The following DDC variants were observed in gnomAD, a reference collection of about 807,000 sequenced individuals.
DDC encodes the protein dopa decarboxylase.
In DDC, 43 loss-of-function variants were observed where a neutral mutation model predicts 60.0. The observed-to-expected ratio is 0.72, with a 90% CI of 0.56 to 0.92. The LOEUF is 0.92. DDC is among the 40% of genes least tolerant of loss of function. DDC has a pLI of 0.00. For synonymous variants in DDC, 232 were observed against 234.6 expected (o/e 0.99, Z 0.10); for missense variants, 573 against 620.2 (o/e 0.92, Z 0.81).
chr7:50,540,779 G>A (rs1162029165), intron 2 of DDC, among the ~76,000 whole-genome samples: 1 of 152,212 alleles, frequency 6.6e-6, no homozygotes, highest in Non-Finnish European at 1.5e-5. Flanking sequence ...GTGGGCCAGG[G>A]AGGAGATCCA....
rs769613018 is a variant in DDC, at chr7:50,463,310, A to T, written c.1364T>A (p.Val455Glu). ...VLRFAICSRTVESAHVQRAWE... is the reference protein window; with the variant it reads ...VLRFAICSRTEESAHVQRAWE... ...GGCCCGCTGCACATGGGCAGATTCC[A>T]CCGTGCGAGAACAGATGGCAAAGCG... The change falls in exon 14 of 15, where the codon GTG becomes GAG. Residue 455 changes from valine (V) to glutamate (E), a missense_variant. By Grantham distance (121) the Val-to-Glu change is moderately radical. Transcript: ENST00000444124. The T allele has an allele frequency of 6.2e-7, 1 of 1,614,112 alleles. No individual in the cohort carries two copies. The highest frequency in any genetic ancestry group is 1.7e-5 in the Admixed American group (1 of 60,008).
intron 2 of DDC, 62 bp downstream of exon 2, chr7:50,543,823 A>G: frequency 8.7e-6 from 13 of 1,495,426 alleles, no homozygotes; most frequent in Non-Finnish European, 1.2e-5. Context: ...AATTGCTCAG[A>G]GCCAAGTAGG....
At chr7:50,519,143 G>T (rs1441242019) in intron 6 of DDC, among the ~76,000 whole-genome samples, 1 of 151,798 alleles carries the variant, frequency 6.6e-6, no homozygotes, top group Non-Finnish European at 1.5e-5. Flanking sequence ...TAAAAAAAAT[G>T]CTCAACATCA....
intron 1 of DDC, among the ~76,000 whole-genome samples, chr7:50,553,484 C>CTTTTTTTTTTTTTTTTTTTTTTTTTTT (rs5884158): frequency 6.6e-5 from 6 of 90,934 alleles, no homozygotes; most frequent in African/African-American, 2.4e-4. Flanking sequence ...TCTTTCTTTT[C>CTTTTTTTTTTTTTTTTTTTTTTTTTTT]TTTTTTTTTT....
rs182643167 is a variant in DDC at position 50,476,276 on chromosome 7, C to T, written c.1041+348G>A. On this transcript the variant is annotated intron_variant, in intron 11 of 14. Coordinates refer to ENST00000444124, the MANE Select transcript of DDC (RefSeq NM_001082971.2). ...GCTTTTTCTGTTCCCTGACTCCTCCCTCACTCTCCCACTGCCACCACCAGT... is the reference window on the plus strand; with the variant it reads ...GCTTTTTCTGTTCCCTGACTCCTCCTTCACTCTCCCACTGCCACCACCAGT... 1.9e-3 allele frequency among the ~76,000 whole-genome samples: 292 copies of T among 152,298 alleles called. 1 individual carries two copies. The highest frequency in any genetic ancestry group is 6.8e-3 in the African/African-American group (281 of 41,578).
At chr7:50,537,159 G>A (rs1225318979) in intron 4 of DDC, among the ~76,000 whole-genome samples, 3 of 151,778 alleles carry the variant, frequency 2.0e-5, no homozygotes, top group Admixed American at 6.6e-5. Flanking sequence ...CCTGGTGTAA[G>A]CTCTGACACA....
rs756907276 is a variant in DDC at position 50,467,221 on chromosome 7, C to T, written c.1235G>A (p.Arg412Gln). Residue 412 changes from arginine to glutamine, a missense_variant, in exon 13 of 15, where the codon CGG becomes CAG. Physicochemically the swap from Arg to Gln is conservative, Grantham distance 43 (BLOSUM62 1). Transcript: ENST00000444124. ...GAATAGATGTAGACAAACCTTTAGC[C>T]GAAAGCAGACAAGCCCCAGAATGAC... ...VEVILGLVCF[R>Q]LKGSNKVNEA... 1.1e-5 allele frequency: 18 copies of T among 1,613,522 alleles called. No homozygotes were observed. The highest frequency in any genetic ancestry group is 7.7e-5 in the South Asian group (7 of 91,062).
intron 2 of DDC, among the ~76,000 whole-genome samples, chr7:50,540,329 T>C (rs1232450082): frequency 2.0e-5 from 3 of 152,168 alleles, no homozygotes; most frequent in African/African-American, 7.2e-5. Flanking sequence ...CTTATCATTT[T>C]CCATAACAAA....
chr7:50,527,302 G>T, intron 6 of DDC, among the ~76,000 whole-genome samples: 1 of 152,116 alleles, frequency 6.6e-6, no homozygotes, highest in East Asian at 1.9e-4. Context: ...CATTTTCAGT[G>T]ATGTTTCCTG....
At chr7:50,490,886 G>A (rs926605631) in intron 9 of DDC, among the ~76,000 whole-genome samples, 1 of 152,128 alleles carries the variant, frequency 6.6e-6, no homozygotes, top group Admixed American at 6.5e-5. Context: ...CAAATAAATT[G>A]GCCCTATTAT....
chr7:50,461,316 T>G (rs934699322), intron 14 of DDC, among the ~76,000 whole-genome samples: 1 of 152,244 alleles, frequency 6.6e-6, no homozygotes, highest in South Asian at 2.1e-4. Flanking sequence ...CTCAGAGCTA[T>G]GACCACATGA....
At chr7:50,551,010 T>C (rs1173572231) in intron 1 of DDC, among the ~76,000 whole-genome samples, 1 of 152,240 alleles carries the variant, frequency 6.6e-6, no homozygotes, top group African/African-American at 2.4e-5. Context: ...TGTTTACGTT[T>C]CTGCACACTT....
intron 6 of DDC, among the ~76,000 whole-genome samples, chr7:50,506,046 G>A (rs563443012): frequency 6.6e-6 from 1 of 152,350 alleles, no homozygotes; most frequent in East Asian, 1.9e-4. Flanking sequence ...GGCCTGTGTT[G>A]TGGTTTCCAC....
At chr7:50,459,921 G>A (rs1201299657) in intron 14 of DDC, among the ~76,000 whole-genome samples, 3 of 142,792 alleles carry the variant, frequency 2.1e-5, no homozygotes, top group African/African-American at 8.2e-5. Context: ...CCCCATCCAG[G>A]AGGGAGGTGG....
chr7:50,547,151 G>A (rs181987816), intron 1 of DDC, among the ~76,000 whole-genome samples: 8 of 151,816 alleles, frequency 5.3e-5, no homozygotes, highest in Admixed American at 2.6e-4. Context: ...TTGCTAGCCT[G>A]TTTTTCTTTA....
At chr7:50,504,138 C>G in intron 6 of DDC, 79 bp from the exon 7 acceptor site, 1 of 1,001,446 alleles carries the variant, frequency 1.0e-6, no homozygotes, top group Non-Finnish European at 1.6e-6. Flanking sequence ...CAACTGCTGC[C>G]CCATGGTCCA....
At chr7:50,494,678 T>C (rs992148097) in intron 9 of DDC, among the ~76,000 whole-genome samples, 7 of 152,048 alleles carry the variant, frequency 4.6e-5, no homozygotes, top group Admixed American at 3.9e-4. Flanking sequence ...CGAATACTTT[T>C]TTTTTTGAGA....
chr7:50,542,235 A>T (rs1469806349), intron 2 of DDC: 3 of 152,214 alleles, frequency 2.0e-5, no homozygotes. Context: ...ATAATTTTCC[A>T]TATTTCTAGG....
rs528137159 is a variant in DDC, at chr7:50,463,261, C to A, written c.1413G>T (p.Ala471=). ...CCCTCTCTGCTCGCAGCACGTCGGC[C>A]GCCAGCTCTTTGATGTGTTCCCAGG... ...QRAWEHIKEL[A]ADVLRAERE is the part of the protein sequence containing the mutation. The change falls in exon 14 of 15, where the codon GCG becomes GCT. Residue 471 remains alanine (A), a synonymous_variant. Transcript: ENST00000444124. 4 of 1,614,024 alleles carry A rather than the reference C, an allele frequency of 2.5e-6. No homozygotes were observed. Among genetic ancestry groups the A allele is most frequent in the African/African-American group, 1.3e-5 (1 of 75,062 alleles).
Sources: allele counts gnomAD v4.1 joint callset (sites outside exome capture counted in the v4.1 genomes callset), GRCh38; gene constraint gnomAD v4.1.1; transcripts MANE v1.5; gene names NCBI Gene and HGNC (gene_info 2026-07-23, HGNC 2026-07-21).